The following LRRTM4 variants were observed in gnomAD, a reference collection of about 807,000 sequenced individuals.
LRRTM4 encodes leucine rich repeat transmembrane neuronal 4.
LRRTM4 carries 25 observed loss-of-function variants against 47.6 expected under a neutral mutation model. The observed-to-expected ratio is 0.53, with a 90% CI of 0.38 to 0.73. The LOEUF (loss-of-function observed/expected upper bound fraction) is 0.73. LRRTM4 is among the 30% of genes least tolerant of loss of function. The probability of loss-of-function intolerance (pLI) is 0.00; values close to 1 mark genes in which losing one functional copy is unlikely to be tolerated. For synonymous variants in LRRTM4, 311 were observed against 269.5 expected, an observed-to-expected ratio of 1.15 and a Z score of -1.51; for missense variants, 638 against 713.4, an observed-to-expected ratio of 0.89 and a Z score of 1.20.
chr2:76,936,985 A>G (rs1674974831), intron 3 of LRRTM4, among the ~76,000 whole-genome samples: 2 of 143,638 alleles, frequency 1.4e-5, no homozygotes, highest in South Asian at 4.4e-4. Context: ...AAAAAAAAAA[A>G]GAGCACATAA....
chr2:77,521,975 C>G, intron 1 of LRRTM4, 134 bp downstream of exon 1: 1 of 648,078 alleles, frequency 1.5e-6, no homozygotes, highest in Non-Finnish European at 2.8e-6. Context: ...CCTCTAGGCT[C>G]TGAGGACCAT....
At chr2:77,002,581 G>T (rs1677474171) in intron 3 of LRRTM4, among the ~76,000 whole-genome samples, 1 of 152,026 alleles carries the variant, frequency 6.6e-6, no homozygotes, top group Non-Finnish European at 1.5e-5. Flanking sequence ...TTTCATAGAA[G>T]CCAGAGCATT....
intron 3 of LRRTM4, among the ~76,000 whole-genome samples, chr2:77,247,628 T>A (rs762186901): frequency 2.0e-5 from 3 of 152,104 alleles, no homozygotes; most frequent in African/African-American, 4.8e-5. Flanking sequence ...CATAACTTAG[T>A]TGCTCACCAC....
intron 3 of LRRTM4, among the ~76,000 whole-genome samples, chr2:77,505,242 A>G (rs996622452): frequency 1.3e-5 from 2 of 151,314 alleles, no homozygotes; most frequent in South Asian, 4.1e-4. Context: ...AAAATCAAAA[A>G]CCAAAGTATA....
intron 3 of LRRTM4, among the ~76,000 whole-genome samples, chr2:76,899,311 CCA>C (rs34031809): frequency 0.44 from 59,925 of 135,724 alleles, 13,425 homozygotes; most frequent in Non-Finnish European, 0.51. Flanking sequence ...GACTAATAAA[CCA>C]CACACACACA....
intron 3 of LRRTM4, among the ~76,000 whole-genome samples, chr2:77,197,417 T>G (rs761732916): frequency 2.5e-4 from 38 of 152,160 alleles, no homozygotes; most frequent in Non-Finnish European, 5.0e-4. Flanking sequence ...TTTTCCCATA[T>G]ATCTGTATTA....
rs188587422 is a variant in LRRTM4 at position 77,388,675 on chromosome 2, T to G, written c.1551+129643A>C. Among the ~76,000 whole-genome samples the G allele has an allele frequency of 5.5e-3, 838 of 152,248 alleles. 8 individuals are homozygous for G. The highest frequency in any genetic ancestry group is 0.019 in the African/African-American group (799 of 41,550). Reference sequence around the variant, plus strand: ...GATTCAGTTTGGTGTAAATTATATTTGATATTTTGATCTTAGCTGGATGTT... The same window carrying G: ...GATTCAGTTTGGTGTAAATTATATTGGATATTTTGATCTTAGCTGGATGTT... On this transcript the variant is annotated intron_variant, in intron 3 of 3. Transcript: ENST00000409884.
At chr2:77,442,409 T>G (rs1274933362) in intron 3 of LRRTM4, among the ~76,000 whole-genome samples, 1 of 152,330 alleles carries the variant, frequency 6.6e-6, no homozygotes, top group Admixed American at 6.5e-5. Context: ...AGTTCATGTA[T>G]TTAGATAAAA....
intron 3 of LRRTM4, among the ~76,000 whole-genome samples, chr2:76,855,726 A>G (rs17013242): frequency 0.13 from 19,627 of 152,124 alleles, 1,837 homozygotes; most frequent in East Asian, 0.48. Flanking sequence ...ATTTACAGGA[A>G]GAGAAATCAC....
intron 3 of LRRTM4, among the ~76,000 whole-genome samples, chr2:77,424,315 G>C (rs561282298): frequency 6.6e-6 from 1 of 152,114 alleles, no homozygotes; most frequent in Non-Finnish European, 1.5e-5. Flanking sequence ...AAAAAATGTT[G>C]AGAATTTCTC....
chr2:77,167,040 T>G (rs1011224423), intron 3 of LRRTM4, among the ~76,000 whole-genome samples: 36 of 151,606 alleles, frequency 2.4e-4, no homozygotes, highest in Non-Finnish European at 1.0e-4. Context: ...TGGGAGAAAA[T>G]TTTTACAATC....
At chr2:77,206,182 T>A (rs1573075822) in intron 3 of LRRTM4, among the ~76,000 whole-genome samples, 3 of 145,972 alleles carry the variant, frequency 2.1e-5, no homozygotes, top group African/African-American at 7.5e-5. Context: ...AAATTCTATT[T>A]TTTTTTTTTT....
chr2:76,992,425 T>G (rs2103995981), intron 3 of LRRTM4, among the ~76,000 whole-genome samples: 1 of 151,906 alleles, frequency 6.6e-6, no homozygotes, highest in South Asian at 2.1e-4. Context: ...ATAAACCATT[T>G]TATTAAAGTT....
chr2:77,494,685 A>G (rs1413111514), intron 3 of LRRTM4, among the ~76,000 whole-genome samples: 1 of 152,098 alleles, frequency 6.6e-6, no homozygotes, highest in African/African-American at 2.4e-5. Flanking sequence ...ATTTTAAACA[A>G]TATATAATTT....
chr2:76,936,177 T>A (rs889315878), intron 3 of LRRTM4, among the ~76,000 whole-genome samples: 1 of 152,200 alleles, frequency 6.6e-6, no homozygotes. Flanking sequence ...AGCAAAGACT[T>A]GGAACCAACC....
intron 3 of LRRTM4, among the ~76,000 whole-genome samples, chr2:76,828,210 C>G (rs1023617827): frequency 6.6e-6 from 1 of 151,846 alleles, no homozygotes; most frequent in African/African-American, 2.4e-5. Context: ...CTAAGCATGC[C>G]GTTTAGGGCA....
intron 3 of LRRTM4, among the ~76,000 whole-genome samples, chr2:77,464,645 C>T (rs1676915020): frequency 6.6e-6 from 1 of 152,032 alleles, no homozygotes; most frequent in Admixed American, 6.6e-5. Flanking sequence ...ATGAACTGGT[C>T]TTAGGCACGT....
chr2:77,351,126 G>C (rs569745392), intron 3 of LRRTM4, among the ~76,000 whole-genome samples: 1 of 151,974 alleles, frequency 6.6e-6, no homozygotes, highest in Non-Finnish European at 1.5e-5. Context: ...ATGTGCTCAC[G>C]TGTTATCATC....
At chr2:77,447,446 T>C (rs952229674) in intron 3 of LRRTM4, among the ~76,000 whole-genome samples, 1 of 152,154 alleles carries the variant, frequency 6.6e-6, no homozygotes, top group Non-Finnish European at 1.5e-5. Flanking sequence ...TAGGAAACAC[T>C]GATACCTGAC....
Sources: gnomAD v4.1 joint callset for allele counts (sites outside exome capture counted in the v4.1 genomes callset) on GRCh38, gnomAD v4.1.1 for gene constraint, MANE v1.5 for transcripts, NCBI Gene and HGNC (gene_info 2026-07-23, HGNC 2026-07-21) for gene names.